EPHA3: variants seen among roughly 807,000 people sequenced by gnomAD.
EPHA3 encodes the protein EPH receptor A3.
In EPHA3, 42 loss-of-function variants were observed where a neutral mutation model predicts 107.1. The ratio of observed to expected loss-of-function variants is 0.39; its 90% CI spans 0.31 to 0.51. The LOEUF (loss-of-function observed/expected upper bound fraction) is 0.51. Among genes scored for constraint, EPHA3 ranks in the 20% least tolerant of loss-of-function variants. EPHA3 has a pLI of 0.78. For missense variants in EPHA3, 1,183 were observed against 1,211.2 expected, an observed-to-expected ratio of 0.98 and a Z score of 0.35; for synonymous variants, 461 against 424.8, an observed-to-expected ratio of 1.09 and a Z score of -1.05.
chr3:89,402,275 C>T (rs1462791200), intron 7 of EPHA3, among the ~76,000 whole-genome samples: 1 of 151,884 alleles, frequency 6.6e-6, no homozygotes, highest in Non-Finnish European at 1.5e-5. Flanking sequence ...GGATTTTTGC[C>T]AAGTAAGTTT....
intron 3 of EPHA3, among the ~76,000 whole-genome samples, chr3:89,289,716 C>A (rs961669059): frequency 2.6e-5 from 4 of 151,960 alleles, no homozygotes; most frequent in African/African-American, 9.7e-5. Flanking sequence ...TGTGTTCATG[C>A]AAGGGGTGAC....
intron 13 of EPHA3, among the ~76,000 whole-genome samples, chr3:89,432,492 T>C (rs1709588503): frequency 6.6e-6 from 1 of 152,026 alleles, no homozygotes; most frequent in Admixed American, 6.6e-5. Context: ...CTCAAGTGAT[T>C]CTCCCGGGCT....
At chr3:89,305,174 T>C (rs551497850) in intron 3 of EPHA3, among the ~76,000 whole-genome samples, 11 of 152,312 alleles carry the variant, frequency 7.2e-5, no homozygotes, top group African/African-American at 2.4e-4. Context: ...AAGTTTTTTC[T>C]TTTTGTTTTT....
intron 2 of EPHA3, among the ~76,000 whole-genome samples, chr3:89,192,590 A>G (rs887886951): frequency 2.6e-5 from 4 of 152,078 alleles, no homozygotes; most frequent in Admixed American, 2.0e-4. Flanking sequence ...TACACAATTG[A>G]CCAAAATATT....
chr3:89,280,000 A>G (rs1209933364), intron 3 of EPHA3, among the ~76,000 whole-genome samples: 4 of 151,242 alleles, frequency 2.6e-5, no homozygotes, highest in Admixed American at 1.3e-4. Context: ...ATTGATCACA[A>G]TGTTTCAACA....
rs552492539 is a variant in EPHA3, at chr3:89,270,993, T to C, written c.814+60473T>C. The stretch of plus-strand genomic sequence containing the variant: ...GAAGGGGAGGGATTGGTCTTAATAA[T>C]ACTTTTCTTTAATCAAGTTAAAAAA... On this transcript the variant is annotated intron_variant, in intron 3 of 16. Transcript: ENST00000336596. Among the ~76,000 whole-genome samples, 3 of 152,124 alleles carry C rather than the reference T, an allele frequency of 2.0e-5. No individual in the cohort carries two copies. The South Asian group carries it at 6.2e-4, about 32-fold the overall frequency.
At position 89,173,067 on chromosome 3, in the gene EPHA3, A is replaced by G. The variant is rs186132952; in HGVS notation, c.154-36793A>G. Among the ~76,000 whole-genome samples, 803 of 152,240 alleles carry G rather than the reference A, an allele frequency of 5.3e-3. 6 individuals are homozygous for G. The highest frequency in any genetic ancestry group is 0.016 in the African/African-American group (665 of 41,564). On this transcript the variant is annotated intron_variant, in intron 2 of 16. Transcript: ENST00000336596. ...GAATCTGTAAATATGTTTCATATGT[A>G]CATAGGTAGAGATAGATATACATAT...
intron 1 of EPHA3, 49 bp downstream of exon 1, chr3:89,107,885 C>T (rs377251151): frequency 2.1e-5 from 32 of 1,556,724 alleles, no homozygotes; most frequent in African/African-American, 6.8e-5. Context: ...GGGGCTCACG[C>T]TCTTCAAAGC....
chr3:89,192,571 T>C (rs1479122635), intron 2 of EPHA3, among the ~76,000 whole-genome samples: 2 of 152,054 alleles, frequency 1.3e-5, no homozygotes, highest in Non-Finnish European at 2.9e-5. Context: ...AGTTCTCCAA[T>C]AACCAGAATA....
At chr3:89,162,879 T>C (rs533575099) in intron 2 of EPHA3, among the ~76,000 whole-genome samples, 72 of 152,170 alleles carry the variant, frequency 4.7e-4, no homozygotes, top group African/African-American at 1.7e-3. Flanking sequence ...TCTGAAAGGG[T>C]TGAAAGCTGC....
At chr3:89,393,985 G>A (rs1467462283) in intron 5 of EPHA3, among the ~76,000 whole-genome samples, 2 of 152,002 alleles carry the variant, frequency 1.3e-5, no homozygotes, top group Non-Finnish European at 2.9e-5. Context: ...AATAGATGAA[G>A]AATTGATAAT....
intron 3 of EPHA3, among the ~76,000 whole-genome samples, chr3:89,310,029 A>G (rs1378060687): frequency 6.6e-6 from 1 of 152,068 alleles, no homozygotes; most frequent in African/African-American, 2.4e-5. Context: ...CAGGTCTCTG[A>G]TGGAAAACTC....
At position 89,266,346 on chromosome 3, in the gene EPHA3, T is replaced by C. The variant is rs202246094; in HGVS notation, c.814+55826T>C. Among the ~76,000 whole-genome samples, 4 of 152,298 alleles carry C rather than the reference T, an allele frequency of 2.6e-5. No individual in the cohort carries two copies. The East Asian group carries it at 7.7e-4, about 29-fold the overall frequency. On this transcript the variant is annotated intron_variant, in intron 3 of 16. Transcript: ENST00000336596. ...TAATTACTACACCTTACAGCCATCATGTTCATTGGAAACTATTGTTTTATT... is the reference window on the plus strand; with the variant it reads ...TAATTACTACACCTTACAGCCATCACGTTCATTGGAAACTATTGTTTTATT...
intron 11 of EPHA3, among the ~76,000 whole-genome samples, chr3:89,422,651 CT>C (rs984189826): frequency 1.3e-5 from 2 of 151,370 alleles, no homozygotes. Context: ...AATTACTCCT[CT>C]GGTTGTTTGA....
chr3:89,357,789 T>C (rs1199282191), intron 5 of EPHA3, among the ~76,000 whole-genome samples: 2 of 151,226 alleles, frequency 1.3e-5, no homozygotes, highest in African/African-American at 2.4e-5. Context: ...ATAGCATGCT[T>C]TTCTCTTGGT....
At chr3:89,399,573 A>G in intron 7 of EPHA3, 93 bp downstream of exon 7, 1 of 1,539,650 alleles carries the variant, frequency 6.5e-7, no homozygotes, top group Non-Finnish European at 8.8e-7. Flanking sequence ...AGTTTTAAAC[A>G]AATGTGATAC....
chr3:89,285,603 G>T (rs1433919695), intron 3 of EPHA3, among the ~76,000 whole-genome samples: 2 of 152,172 alleles, frequency 1.3e-5, no homozygotes, highest in Non-Finnish European at 2.9e-5. Context: ...TGCTGATAAA[G>T]GGTGAGCATG....
At chr3:89,208,494 G>A (rs529199995) in intron 2 of EPHA3, among the ~76,000 whole-genome samples, 10 of 140,796 alleles carry the variant, frequency 7.1e-5, no homozygotes, top group African/African-American at 1.9e-4. Context: ...GAAAAAGAAA[G>A]GAGGGAGGGA....
Position 89,479,551 on chromosome 3 carries a change from G to A in EPHA3, c.*49G>A, listed in dbSNP as rs201042153. On this transcript the variant is annotated 3_prime_UTR_variant, in exon 17 of 17. Transcript: ENST00000336596. ...GACGGAAGTGGTGGCTGTGGAAGGCGTAGCATCATCCTGCAGACAGACAAT... is the reference window on the plus strand; with the variant it reads ...GACGGAAGTGGTGGCTGTGGAAGGCATAGCATCATCCTGCAGACAGACAAT... The A allele has an allele frequency of 2.4e-5, 34 of 1,408,622 alleles. No homozygotes were observed. Among genetic ancestry groups the A allele is most frequent in the South Asian group, 5.8e-5 (5 of 86,248 alleles). The allele number at this position is 1,408,622 out of a possible 1,614,324, so 87.3% of individuals were successfully genotyped here.
Sources: gnomAD v4.1 joint callset for allele counts (sites outside exome capture counted in the v4.1 genomes callset) on GRCh38, gnomAD v4.1.1 for gene constraint, MANE v1.5 for transcripts, NCBI Gene and HGNC (gene_info 2026-07-23, HGNC 2026-07-21) for gene names.